Variants in ADGRL2 observed in about 807,000 individuals in gnomAD.
ADGRL2 encodes calcium-independent alpha-latrotoxin receptor 2.
In ADGRL2, 44 loss-of-function variants were observed where a neutral mutation model predicts 157.4. The observed-to-expected ratio is 0.28, with a 90% confidence interval of 0.22 to 0.36. The LOEUF (loss-of-function observed/expected upper bound fraction) is 0.36, where lower values mean the gene tolerates loss of function less well. Among genes scored for constraint, ADGRL2 ranks in the 10% least tolerant of loss-of-function variants. The pLI is 1.00. For synonymous variants in ADGRL2, 585 were observed against 624.7 expected, an observed-to-expected ratio of 0.94 and a Z score of 0.95; for missense variants, 1,510 against 1,768.9, an observed-to-expected ratio of 0.85 and a Z score of 2.63.
intron 1 of ADGRL2, among the ~76,000 whole-genome samples, chr1:81,360,404 G>C (rs528914557): frequency 2.0e-5 from 3 of 151,870 alleles, no homozygotes; most frequent in African/African-American, 7.2e-5. Flanking sequence ...AGGACCAAAG[G>C]CTTTCCAGGA....
At chr1:81,571,132 C>T (rs1044470562) in intron 2 of ADGRL2, among the ~76,000 whole-genome samples, 2 of 151,844 alleles carry the variant, frequency 1.3e-5, no homozygotes, top group African/African-American at 4.8e-5. Flanking sequence ...GGAGACCCGC[C>T]TGGCCAAAGT....
intron 6 of ADGRL2, among the ~76,000 whole-genome samples, chr1:81,948,684 T>C (rs553500732): frequency 1.3e-5 from 2 of 152,324 alleles, no homozygotes; most frequent in South Asian, 4.1e-4. Context: ...GCAAGTGCTT[T>C]AAAGAAAAGA....
intron 2 of ADGRL2, among the ~76,000 whole-genome samples, chr1:81,767,854 CAA>C (rs71592741): frequency 3.6e-5 from 3 of 83,966 alleles, no homozygotes; most frequent in Admixed American, 1.4e-4. Context: ...GATCCTGTCT[CAA>C]AAAAAAAAAA....
chr1:81,713,236 T>C (rs779854325), intron 1 of ADGRL2, among the ~76,000 whole-genome samples: 9 of 152,216 alleles, frequency 5.9e-5, no homozygotes, highest in Non-Finnish European at 1.3e-4. Context: ...GAGGGAACTT[T>C]TGAGATACAC....
At chr1:81,672,167 C>T (rs1205058460) in intron 3 of ADGRL2, among the ~76,000 whole-genome samples, 1 of 152,126 alleles carries the variant, frequency 6.6e-6, no homozygotes, top group East Asian at 1.9e-4. Context: ...CTTTAGCAGC[C>T]TTCTGTAGCC....
rs553448521 is a variant in ADGRL2 at position 81,912,107 on chromosome 1, C to T, written c.287+4877C>T. ...TTTTTTTTGAGATAGGGTCTCACTC[C>T]CTTGCCCACGCTGGAGTGCAGTGGC... On this transcript the variant is annotated intron_variant, in intron 3 of 23. Coordinates refer to ENST00000686636, the MANE Select transcript of ADGRL2 (RefSeq NM_001366006.2). Among the ~76,000 whole-genome samples the T allele has an allele frequency of 2.6e-5, 4 of 151,448 alleles. No homozygotes were observed. The South Asian group carries it at 8.4e-4, about 32-fold the overall frequency.
intron 2 of ADGRL2, among the ~76,000 whole-genome samples, chr1:81,449,446 C>T (rs2077664957): frequency 6.6e-6 from 1 of 152,166 alleles, no homozygotes; most frequent in Non-Finnish European, 1.5e-5. Context: ...AGTGAAAGTG[C>T]CAATAGGCAT....
At chr1:81,941,468 C>A (rs1027925395) in intron 4 of ADGRL2, among the ~76,000 whole-genome samples, 53 of 151,586 alleles carry the variant, frequency 3.5e-4, no homozygotes, top group African/African-American at 1.2e-3. Context: ...TTATATATTT[C>A]TTCTTAGTAA....
upstream of ADGRL2, among the ~76,000 whole-genome samples, chr1:81,697,086 A>G (rs1462104361): frequency 6.6e-6 from 1 of 152,218 alleles, no homozygotes; most frequent in African/African-American, 2.4e-5. Context: ...GAGATACTTT[A>G]GAATATGGTT....
chr1:81,701,108 G>T (rs974034884), intron 1 of ADGRL2, among the ~76,000 whole-genome samples: 2 of 152,196 alleles, frequency 1.3e-5, no homozygotes, highest in African/African-American at 4.8e-5. Context: ...TTAGCAAACA[G>T]ATTTCAGATG....
intron 5 of ADGRL2, 130 bp from the exon 6 acceptor site, chr1:81,942,839 A>G (rs763519924): frequency 5.5e-6 from 4 of 732,806 alleles, no homozygotes; most frequent in African/African-American, 5.2e-5. Context: ...ATTTGTATGA[A>G]GTATACATTT....
rs1658004762 is a variant in ADGRL2, at chr1:81,969,201, A to T, written c.2547A>T (p.Leu849Phe). ...AGTATAAAGATGGCGTTCATGAATT[A>T]CTTCTTACAGTCATCACCTGGGTGG... ...EIAYKDGVHE[L>F]LLTVITWVGI... Residue 849 changes from leucine (L) to phenylalanine (F), a missense_variant, in exon 15 of 24, where the codon TTA becomes TTT. Physicochemically the swap from Leu to Phe is conservative, Grantham distance 22. This residue lies in a region of ADGRL2 where 497 missense variants were observed against 627.2 expected (regional missense o/e 0.79). Transcript: ENST00000686636. The T allele has an allele frequency of 1.2e-6, 2 of 1,613,538 alleles. No individual in the cohort carries two copies. The highest frequency in any genetic ancestry group is 1.7e-6 in the Non-Finnish European group (2 of 1,179,648).
At chr1:81,320,137 C>A (rs1660404367) in intron 1 of ADGRL2, among the ~76,000 whole-genome samples, 1 of 152,116 alleles carries the variant, frequency 6.6e-6, no homozygotes, top group Non-Finnish European at 1.5e-5. Flanking sequence ...CTCAAGAAAC[C>A]AATTTCTTTG....
At chr1:81,925,459 T>G (rs1022487085) in intron 3 of ADGRL2, among the ~76,000 whole-genome samples, 1 of 151,520 alleles carries the variant, frequency 6.6e-6, no homozygotes, top group South Asian at 2.1e-4. Context: ...TGACTGAAAA[T>G]TAAGTTTAGT....
intron 22 of ADGRL2, chr1:81,987,331 A>G (rs1185256579): frequency 1.3e-6 from 2 of 1,563,516 alleles, no homozygotes; most frequent in East Asian, 2.2e-5. Context: ...CAAGATTTAT[A>G]TCATTTAGAG....
At chr1:81,656,308 A>G (rs996074678) in intron 3 of ADGRL2, among the ~76,000 whole-genome samples, 3 of 152,184 alleles carry the variant, frequency 2.0e-5, no homozygotes, top group South Asian at 4.1e-4. Flanking sequence ...AAAGATGCCA[A>G]ATGGAGACCT....
chr1:81,934,053 A>T (rs2095274055), intron 3 of ADGRL2, among the ~76,000 whole-genome samples: 1 of 152,092 alleles, frequency 6.6e-6, no homozygotes. Context: ...AGAATTTTTT[A>T]TAATTTTATT....
chr1:81,383,963 A>AAAAG (rs1553159692), intron 1 of ADGRL2, among the ~76,000 whole-genome samples: 10 of 150,226 alleles, frequency 6.7e-5, no homozygotes, highest in African/African-American at 2.2e-4. Flanking sequence ...CAAAAAAAAA[A>AAAAG]AAAAGAAAAG....
chr1:81,321,745 T>A (rs905330827), intron 1 of ADGRL2, among the ~76,000 whole-genome samples: 6 of 151,778 alleles, frequency 4.0e-5, no homozygotes, highest in Non-Finnish European at 8.8e-5. Context: ...CAGATCATTG[T>A]CACAGATATA....
Sources: allele counts gnomAD v4.1 joint callset (sites outside exome capture counted in the v4.1 genomes callset), GRCh38; gene constraint gnomAD v4.1.1; regional missense constraint gnomAD v4.1.1; transcripts MANE v1.5; gene names NCBI Gene and HGNC (gene_info 2026-07-23, HGNC 2026-07-21).